The following TCHP variants were observed in gnomAD, a reference collection of about 807,000 sequenced individuals.
The protein encoded by TCHP is trichoplein keratin filament-binding protein.
In TCHP, 81 loss-of-function variants were observed where a neutral mutation model predicts 88.7. The observed-to-expected ratio is 0.91, with a 90% CI of 0.76 to 1.10. The LOEUF (loss-of-function observed/expected upper bound fraction) is 1.10, where lower values mean the gene tolerates loss of function less well. TCHP is among the 50% of genes least tolerant of loss of function. The pLI is 0.00. For synonymous variants in TCHP, 232 were observed against 232.5 expected, an observed-to-expected ratio of 1.00 and a Z score of 0.02; for missense variants, 641 against 632.1, an observed-to-expected ratio of 1.01 and a Z score of -0.15.
chr12:109,913,051 A>G lies in TCHP; in HGVS notation c.1113A>G (p.Ala371=), dbSNP rs1394056523. 6 of 1,613,888 alleles carry G rather than the reference A, an allele frequency of 3.7e-6. No homozygotes were observed. In the East Asian group the frequency reaches 6.7e-5, roughly 18 times the overall value. ...CAGAGTGGGCCCGAGAGCGCAGCGC[A>G]CGGGACAGACTGATGAGCGAGGTAA... ...REAEWARERS[A]RDRLMSEVLT... The change falls in exon 10 of 13, where the codon GCA becomes GCG. Residue 371 remains alanine, a synonymous_variant. Transcript: ENST00000405876.
intron 8 of TCHP, among the ~76,000 whole-genome samples, chr12:109,910,575 T>C (rs1393760524): frequency 6.6e-6 from 1 of 152,186 alleles, no homozygotes; most frequent in Non-Finnish European, 1.5e-5. Context: ...TGGGATTGCA[T>C]GCATTAGCCC....
chr12:109,898,366 C>T (rs752538454), upstream of TCHP, among the ~76,000 whole-genome samples: 10 of 151,934 alleles, frequency 6.6e-5, no homozygotes, highest in East Asian at 1.9e-4. Flanking sequence ...CCTGCCACCA[C>T]GCCCAGCTAA....
intron 11 of TCHP, 197 bp downstream of exon 11, chr12:109,914,824 G>T (rs1870709831): frequency 3.7e-6 from 2 of 547,012 alleles, no homozygotes; most frequent in Non-Finnish European, 6.6e-6. Flanking sequence ...CATGTCGTGT[G>T]GGTGAGGCCG....
chr12:109,894,312 T>C, the TCHP span, among the ~76,000 whole-genome samples: 7 of 149,698 alleles, frequency 4.7e-5, no homozygotes, highest in East Asian at 1.4e-3. Context: ...ACAAAAAAAT[T>C]AGCCGGGCGT....
chr12:109,902,604 G>C (rs981225291), intron 1 of TCHP, among the ~76,000 whole-genome samples: 1 of 152,208 alleles, frequency 6.6e-6, no homozygotes, highest in Non-Finnish European at 1.5e-5. Flanking sequence ...CTCCCAAGGA[G>C]CTGGGATTAC....
At chr12:109,908,045 G>A (rs1371779090) in intron 6 of TCHP, among the ~76,000 whole-genome samples, 2 of 152,182 alleles carry the variant, frequency 1.3e-5, no homozygotes, top group Non-Finnish European at 2.9e-5. Flanking sequence ...GCTCTCCGTG[G>A]GGAGCAGGTT....
intron 12 of TCHP, among the ~76,000 whole-genome samples, chr12:109,916,362 T>C (rs988942471): frequency 2.6e-5 from 4 of 151,998 alleles, no homozygotes; most frequent in African/African-American, 9.7e-5. Context: ...TCAGTGAGAG[T>C]GTCAGGGTCA....
Position 109,903,096 on chromosome 12 carries a change from C to A in TCHP, c.70C>A (p.Arg24=). Residue 24 remains arginine (R), a synonymous_variant, in exon 2 of 13, where the codon CGA becomes AGA. Transcript: ENST00000405876. The surrounding 1 kb of genome is among the most constrained non-coding windows in gnomAD (Gnocchi z 4.6). ...CCTGAATCAGCAGCTAGCACGACAGCGAGAGCAGGAGGCCCGGCTTCGGCA... is the reference window on the plus strand; with the variant it reads ...CCTGAATCAGCAGCTAGCACGACAGAGAGAGCAGGAGGCCCGGCTTCGGCA... ...QRLNQQLARQ[R]EQEARLRQQW... 12 of 1,613,930 alleles carry A rather than the reference C, an allele frequency of 7.4e-6. No homozygotes were observed. The highest frequency in any genetic ancestry group is 7.6e-6 in the Non-Finnish European group (9 of 1,179,900).
At chr12:109,902,965 C>A in intron 1 of TCHP, 62 bp from the exon 2 acceptor site, 2 of 1,465,838 alleles carry the variant, frequency 1.4e-6, no homozygotes, top group South Asian at 1.3e-5. Context: ...AGGGATGAGG[C>A]CAAGCTGGTG....
the TCHP span, among the ~76,000 whole-genome samples, chr12:109,881,122 G>A: frequency 6.6e-6 from 1 of 152,218 alleles, no homozygotes; most frequent in African/African-American, 2.4e-5. Flanking sequence ...TACCTGTTGT[G>A]AGGCAGAAAA....
rs369160571 is a variant in TCHP, at chr12:109,902,270, A to G, written c.1-757A>G. Among the ~76,000 whole-genome samples the G allele has an allele frequency of 1.4e-4, 22 of 152,230 alleles. 1 individual carries two copies. Among genetic ancestry groups the G allele is most frequent in the East Asian group, 7.7e-4 (4 of 5,180 alleles). ...GCTACAGCCGTGACCTCCTGGGCTC[A>G]AGCAATCCTCCTGCCTCAGCCTCCT... On this transcript the variant is annotated intron_variant, in intron 1 of 12. Transcript: ENST00000405876.
chr12:109,896,993 G>A (rs548832704), upstream of TCHP, among the ~76,000 whole-genome samples: 1 of 152,262 alleles, frequency 6.6e-6, no homozygotes, highest in South Asian at 2.1e-4. Context: ...ATGGCATGGG[G>A]AATGCAGCAA....
upstream of TCHP, among the ~76,000 whole-genome samples, chr12:109,898,394 G>C (rs1869620212): frequency 6.6e-6 from 1 of 152,074 alleles, no homozygotes; most frequent in South Asian, 2.1e-4. Context: ...ATTTTTAGTA[G>C]AGACGGGGGT....
Position 109,908,629 on chromosome 12 carries a change from G to T in TCHP, c.743G>T (p.Arg248Leu). 3 of 1,603,226 alleles carry T rather than the reference G, an allele frequency of 1.9e-6. No homozygotes were observed. The South Asian group carries it at 3.4e-5, about 18-fold the overall frequency. ...GAGCAGGAGAATCTGTTGAAGCAGC[G>T]GTGGGAGCTAGAGAGGCTGGAGGAA... Reference protein sequence around the residue: ...KKEQENLLKQRWELERLEEER... With the variant: ...KKEQENLLKQLWELERLEEER... The change falls in exon 7 of 13, where the codon CGG becomes CTG. Residue 248 changes from arginine to leucine, a missense_variant. Arg to Leu is a moderately radical substitution (Grantham distance 102). Transcript: ENST00000405876.
In TCHP at chr12:109,903,347, C is replaced by T; in HGVS notation, c.188+133C>T. On this transcript the variant is annotated intron_variant, in intron 2 of 12. Coordinates refer to ENST00000405876, the MANE Select transcript of TCHP (RefSeq NM_001143852.2). The surrounding 1 kb of genome is among the most constrained non-coding windows in gnomAD (Gnocchi z 4.6). ...TACCTGCATGGTGATGTTTTTCCAGCTGGAAATGGAAAAAAAGATCATCAG... is the reference window on the plus strand; with the variant it reads ...TACCTGCATGGTGATGTTTTTCCAGTTGGAAATGGAAAAAAAGATCATCAG... 1 of 794,624 alleles carries T rather than the reference C, an allele frequency of 1.3e-6. No homozygotes were observed. 49.2% of individuals were successfully genotyped at this position (794,624 alleles called of 1,614,324 possible).
At chr12:109,915,643 G>A (rs918743874) in intron 12 of TCHP, 97 bp downstream of exon 12, 21 of 1,363,484 alleles carry the variant, frequency 1.5e-5, no homozygotes, top group Admixed American at 8.1e-5. Flanking sequence ...GCCGGGGTCT[G>A]CTCTCCGGCC....
the TCHP span, among the ~76,000 whole-genome samples, chr12:109,885,641 C>G: frequency 6.6e-6 from 1 of 152,032 alleles, no homozygotes; most frequent in African/African-American, 2.4e-5. Flanking sequence ...ACCATCACGC[C>G]CAGCTAATTT....
intron 9 of TCHP, among the ~76,000 whole-genome samples, chr12:109,912,259 T>C (rs1377071543): frequency 1.3e-5 from 2 of 152,222 alleles, no homozygotes; most frequent in African/African-American, 4.8e-5. Context: ...GGCCTCATCT[T>C]ACTGAGTCCT....
rs1431533981 is a variant in TCHP, at chr12:109,903,119, G to A, written c.93G>A (p.Arg31=). The A allele has an allele frequency of 6.2e-7, 1 of 1,613,958 alleles. No homozygotes were observed. The highest frequency in any genetic ancestry group is 2.2e-5 in the East Asian group (1 of 44,882). ...AGCGAGAGCAGGAGGCCCGGCTTCG[G>A]CAGCAGTGGGAGCAGAACAGCCGTT... ...ARQREQEARL[R]QQWEQNSRYF... The change falls in exon 2 of 13, where the codon CGG becomes CGA. Residue 31 remains arginine, a synonymous_variant. Coordinates refer to ENST00000405876, the MANE Select transcript of TCHP (RefSeq NM_001143852.2). This position sits in a 1 kb window ranked among gnomAD's most constrained non-coding sequence, Gnocchi z 4.6.
Sources: allele counts gnomAD v4.1 joint callset (sites outside exome capture counted in the v4.1 genomes callset), GRCh38; gene constraint gnomAD v4.1.1; non-coding constraint Gnocchi (gnomAD v3.1); transcripts MANE v1.5; gene names NCBI Gene and HGNC (gene_info 2026-07-23, HGNC 2026-07-21).